The following ADIPOR2 variants were observed in gnomAD, a reference collection of about 807,000 sequenced individuals.
ADIPOR2 encodes adiponectin receptor 2.
ADIPOR2 carries 18 observed loss-of-function variants against 40.9 expected under a neutral mutation model. The ratio of observed to expected loss-of-function variants is 0.44; its 90% CI spans 0.30 to 0.65. The LOEUF is 0.65. Among genes scored for constraint, ADIPOR2 ranks in the 30% least tolerant of loss-of-function variants. The pLI is 0.09. For synonymous variants in ADIPOR2, 165 were observed against 166.4 expected (o/e 0.99, Z 0.06); for missense variants, 283 against 479.2 (o/e 0.59, Z 3.82).
intron 2 of ADIPOR2, among the ~76,000 whole-genome samples, chr12:1,767,027 C>T (rs1179643525): frequency 3.9e-5 from 6 of 152,204 alleles, no homozygotes; most frequent in East Asian, 1.9e-4. Context: ...CCCAGCACTT[C>T]GGGAAGCTGA....
intron 1 of ADIPOR2, among the ~76,000 whole-genome samples, chr12:1,704,996 T>C (rs2094659162): frequency 6.6e-6 from 1 of 152,176 alleles, no homozygotes; most frequent in South Asian, 2.1e-4. Context: ...GAATTTTCCA[T>C]TTGCAGCATT....
intron 1 of ADIPOR2, among the ~76,000 whole-genome samples, chr12:1,714,551 G>A (rs2094683908): frequency 6.6e-6 from 1 of 152,052 alleles, no homozygotes; most frequent in Admixed American, 6.5e-5. Flanking sequence ...GAGTTATGGT[G>A]GATGTCATTG....
At chr12:1,740,620 A>C (rs1469163247) in intron 1 of ADIPOR2, among the ~76,000 whole-genome samples, 1 of 152,242 alleles carries the variant, frequency 6.6e-6, no homozygotes, top group Non-Finnish European at 1.5e-5. Context: ...GGCTACAATC[A>C]GTGCACACCG....
chr12:1,702,678 G>T (rs935371623), intron 1 of ADIPOR2, among the ~76,000 whole-genome samples: 2 of 152,032 alleles, frequency 1.3e-5, no homozygotes, highest in Non-Finnish European at 2.9e-5. Context: ...TACATACTTC[G>T]ATTATGTTTG....
intron 1 of ADIPOR2, among the ~76,000 whole-genome samples, chr12:1,730,377 G>A (rs1314883324): frequency 6.6e-6 from 1 of 151,862 alleles, no homozygotes; most frequent in African/African-American, 2.4e-5. Flanking sequence ...CAGCACTTTG[G>A]GAGGCCAAGG....
intron 1 of ADIPOR2, among the ~76,000 whole-genome samples, chr12:1,752,723 A>T (rs1444920380): frequency 6.6e-6 from 1 of 152,218 alleles, no homozygotes; most frequent in Non-Finnish European, 1.5e-5. Flanking sequence ...GAAGTACCAC[A>T]TGTAAATTAT....
chr12:1,757,386 G>T (rs1158300405), intron 2 of ADIPOR2: 1 of 717,452 alleles, frequency 1.4e-6, no homozygotes, highest in Non-Finnish European at 2.6e-6. Flanking sequence ...GTTTCCATTG[G>T]CATCTTTCAT....
At chr12:1,717,354 T>C (rs2094689593) in intron 1 of ADIPOR2, among the ~76,000 whole-genome samples, 1 of 152,184 alleles carries the variant, frequency 6.6e-6, no homozygotes, top group Non-Finnish European at 1.5e-5. Context: ...CCCTCATCTT[T>C]AGTGGTTGTC....
intron 6 of ADIPOR2, among the ~76,000 whole-genome samples, chr12:1,782,943 TTTTTCTTTTC>T (rs143023603): frequency 6.7e-6 from 1 of 150,142 alleles, no homozygotes; most frequent in African/African-American, 2.5e-5. Context: ...TTTTTCTTCT[TTTTTCTTTTC>T]TTTTCTTTTT....
At chr12:1,702,275 GTTA>G (rs1358355697) in intron 1 of ADIPOR2, among the ~76,000 whole-genome samples, 1 of 152,198 alleles carries the variant, frequency 6.6e-6, no homozygotes, top group African/African-American at 2.4e-5. Context: ...TATGTATGTG[GTTA>G]TTAAGTTTGA....
chr12:1,746,471 G>C (rs1484456034), intron 1 of ADIPOR2, among the ~76,000 whole-genome samples: 1 of 151,950 alleles, frequency 6.6e-6, no homozygotes, highest in Non-Finnish European at 1.5e-5. Context: ...CTGGGCGACA[G>C]AACAAGACTG....
At chr12:1,771,251 G>C (rs1862488864) in intron 2 of ADIPOR2, among the ~76,000 whole-genome samples, 1 of 151,952 alleles carries the variant, frequency 6.6e-6, no homozygotes, top group South Asian at 2.1e-4. Flanking sequence ...TGTAGCCCCA[G>C]CTATTCAGGA....
chr12:1,778,909 A>G (rs1267259016), intron 4 of ADIPOR2, among the ~76,000 whole-genome samples: 1 of 151,524 alleles, frequency 6.6e-6, no homozygotes, highest in African/African-American at 2.4e-5. Flanking sequence ...CAATAAGCAC[A>G]TGAAAAGATG....
At chr12:1,695,034 T>G (rs12369873) in intron 1 of ADIPOR2, among the ~76,000 whole-genome samples, 1 of 81,142 alleles carries the variant, frequency 1.2e-5, no homozygotes, top group Non-Finnish European at 2.9e-5. Flanking sequence ...TTTTGTTTTG[T>G]TTTTTTAAGA....
chr12:1,779,538 G>GAT (rs3078841), intron 4 of ADIPOR2, among the ~76,000 whole-genome samples: 16,734 of 152,144 alleles, frequency 0.11, 990 homozygotes, highest in Non-Finnish European at 0.13. Flanking sequence ...GATGACAGCA[G>GAT]ATACAGTACT....
chr12:1,722,211 A>G (rs1243904870), intron 1 of ADIPOR2, among the ~76,000 whole-genome samples: 1 of 152,182 alleles, frequency 6.6e-6, no homozygotes, highest in Non-Finnish European at 1.5e-5. Context: ...TGTGTTTTGA[A>G]GATTGAATCA....
chr12:1,756,442 G>C (rs1169004441), intron 2 of ADIPOR2, among the ~76,000 whole-genome samples: 1 of 147,128 alleles, frequency 6.8e-6, no homozygotes, highest in Non-Finnish European at 1.5e-5. Flanking sequence ...GAGCCACTGT[G>C]CCTGGCCTTC....
intron 1 of ADIPOR2, among the ~76,000 whole-genome samples, chr12:1,694,553 C>A (rs375091169): frequency 3.9e-5 from 6 of 152,250 alleles, no homozygotes; most frequent in South Asian, 2.1e-4. Context: ...AAAAAAAAGT[C>A]TGCATGTTTC....
intron 1 of ADIPOR2, among the ~76,000 whole-genome samples, chr12:1,748,205 A>T (rs536055603): frequency 1.3e-5 from 2 of 151,772 alleles, no homozygotes; most frequent in Admixed American, 1.3e-4. Context: ...ATTGATCTCT[A>T]TCTGAGGTGA....
Sources: allele counts gnomAD v4.1 joint callset (sites outside exome capture counted in the v4.1 genomes callset), GRCh38; gene constraint gnomAD v4.1.1; transcripts MANE v1.5; gene names NCBI Gene and HGNC (gene_info 2026-07-23, HGNC 2026-07-21).